ATIC: variants seen among roughly 807,000 people sequenced by gnomAD.
The protein encoded by ATIC is bifunctional purine biosynthesis protein ATIC.
A neutral mutation model predicts 72.5 loss-of-function variants in ATIC; 64 were observed. That is an observed-to-expected ratio of 0.88 (90% CI 0.72 to 1.09). ATIC has a LOEUF of 1.09. ATIC is among the 50% of genes least tolerant of loss of function. The pLI, the probability that ATIC is intolerant of heterozygous loss-of-function variation, is 0.00. For missense variants in ATIC, 787 were observed against 732.4 expected (o/e 1.07, Z -0.86); for synonymous variants, 281 against 267.1 (o/e 1.05, Z -0.51).
intron 12 of ATIC, among the ~76,000 whole-genome samples, chr2:215,339,463 C>T (rs1348764614): frequency 6.6e-6 from 1 of 152,088 alleles, no homozygotes; most frequent in African/African-American, 2.4e-5. Flanking sequence ...CTGCAGTGAG[C>T]CGTGTTTGTG....
chr2:215,338,963 A>G, intron 12 of ATIC, 56 bp downstream of exon 12: 3 of 1,602,990 alleles, frequency 1.9e-6, no homozygotes, highest in Admixed American at 1.7e-5. Context: ...TCTGTTTTCA[A>G]TACTTAATGA....
intron 8 of ATIC, among the ~76,000 whole-genome samples, 187 bp downstream of exon 8, chr2:215,332,694 A>G (rs531345076): frequency 2.6e-5 from 4 of 152,322 alleles, no homozygotes; most frequent in African/African-American, 9.6e-5. Flanking sequence ...ATTGTGTAAT[A>G]TTGTCAGGAA....
At chr2:215,339,014 A>T (rs1003272906) in intron 12 of ATIC, 107 bp downstream of exon 12, 1 of 1,448,210 alleles carries the variant, frequency 6.9e-7, no homozygotes, top group African/African-American at 1.4e-5. Context: ...ACTGGTCTGT[A>T]TGCACACGGC....
intron 14 of ATIC, chr2:215,347,514 A>G: frequency 2.1e-6 from 1 of 470,772 alleles, no homozygotes; most frequent in Non-Finnish European, 4.2e-6. Flanking sequence ...CAGTTTCTGG[A>G]CATATTGCGT....
At chr2:215,337,559 G>T (rs964406986) in intron 11 of ATIC, among the ~76,000 whole-genome samples, 1 of 152,086 alleles carries the variant, frequency 6.6e-6, no homozygotes, top group African/African-American at 2.4e-5. Context: ...TAGAGACAGG[G>T]TTTCACCATG....
At chr2:215,353,549 T>TTTG (rs370674352), downstream of ATIC, among the ~76,000 whole-genome samples, 109 of 152,188 alleles carry the variant, frequency 7.2e-4, no homozygotes, top group South Asian at 2.7e-3. Context: ...TGTCTAAGGT[T>TTTG]TTGTTGTTGT....
At chr2:215,351,747 A>G (rs530208605), downstream of ATIC, among the ~76,000 whole-genome samples, 1 of 152,334 alleles carries the variant, frequency 6.6e-6, no homozygotes, top group South Asian at 2.1e-4. Context: ...CCCAGTCCTT[A>G]AGTGTGGCCT....
At position 215,349,520 on chromosome 2, in the gene ATIC, A is replaced by AT. The variant is rs1339854293; in HGVS notation, c.1660-16_1660-15insT. 1 of 1,614,138 alleles carries AT rather than the reference A, an allele frequency of 6.2e-7. No homozygotes were observed. On this transcript the variant is annotated splice_polypyrimidine_tract_variant and intron_variant, in intron 15 of 15. Coordinates refer to ENST00000236959, the MANE Select transcript of ATIC (RefSeq NM_004044.7). ...TACATAAAATCGCGTTTTGAAAATC[A>AT]ATATACTTCCCCCAGAGTGGTGTGG...
At chr2:215,320,661 C>A (rs923152355) in intron 4 of ATIC, among the ~76,000 whole-genome samples, 1 of 152,174 alleles carries the variant, frequency 6.6e-6, no homozygotes, top group African/African-American at 2.4e-5. Flanking sequence ...CTCACTGCAA[C>A]CTCTGCCTCC....
intron 3 of ATIC, among the ~76,000 whole-genome samples, chr2:215,319,359 G>T (rs2052743097): frequency 6.6e-6 from 1 of 152,020 alleles, no homozygotes; most frequent in South Asian, 2.1e-4. Flanking sequence ...GGGCAAGATG[G>T]CAACACCCCC....
intron 3 of ATIC, among the ~76,000 whole-genome samples, chr2:215,318,950 C>T (rs2052739091): frequency 1.3e-5 from 2 of 151,498 alleles, no homozygotes; most frequent in Non-Finnish European, 2.9e-5. Flanking sequence ...GATCATGGCT[C>T]GCTGCAGCCT....
In ATIC at chr2:215,349,748, A is replaced by G; in HGVS notation, c.*93A>G. On this transcript the variant is annotated 3_prime_UTR_variant, in exon 16 of 16. Transcript: ENST00000236959. ...TAACTTTTTAAAAAAATAAAACAGT[A>G]TCTCTTAATCACTGGATCCATAGTT... The G allele has an allele frequency of 6.3e-7, 1 of 1,598,548 alleles. No homozygotes were observed. Among genetic ancestry groups the G allele is most frequent in the Non-Finnish European group, 8.6e-7 (1 of 1,166,706 alleles).
Position 215,326,147 on chromosome 2 carries a change from C to T in ATIC, c.531+9C>T, listed in dbSNP as rs376505868. 4 of 1,613,716 alleles carry T rather than the reference C, an allele frequency of 2.5e-6. No homozygotes were observed. The highest frequency in any genetic ancestry group is 3.4e-6 in the Non-Finnish European group (4 of 1,179,780). ...GCCAGTTAGCCTTGAAGGTGGGATGCACTTTCATGATATTGTAAGTTACAT... is the reference window on the plus strand; with the variant it reads ...GCCAGTTAGCCTTGAAGGTGGGATGTACTTTCATGATATTGTAAGTTACAT... On this transcript the variant is annotated intron_variant, in intron 6 of 15. Transcript: ENST00000236959.
Position 215,325,995 on chromosome 2 carries a change from A to C in ATIC, c.388A>C (p.Thr130Pro). Residue 130 changes from threonine to proline, a missense_variant, in exon 6 of 16, where the codon ACC becomes CCC. Physicochemically the swap from Thr to Pro is conservative, Grantham distance 38. Transcript: ENST00000236959. ...TCTTTTGTTCTTCAAAGGTGGAGTA[A>C]CCTTACTGAGAGCTGCAGCCAAAAA... Reference protein sequence around the residue: ...AVEQIDIGGVTLLRAAAKNHA... With the variant: ...AVEQIDIGGVPLLRAAAKNHA... 6.2e-7 allele frequency: 1 copy of C among 1,614,182 alleles called. No homozygotes were observed. Among genetic ancestry groups the C allele is most frequent in the Non-Finnish European group, 8.5e-7 (1 of 1,180,002 alleles).
At chr2:215,325,018 C>T (rs774976851) in intron 4 of ATIC, among the ~76,000 whole-genome samples, 5 of 152,054 alleles carry the variant, frequency 3.3e-5, no homozygotes, top group Non-Finnish European at 5.9e-5. Context: ...TATTCAGATC[C>T]GGGGAGCACC....
At chr2:215,321,558 G>A (rs1014027188) in intron 4 of ATIC, among the ~76,000 whole-genome samples, 3 of 152,210 alleles carry the variant, frequency 2.0e-5, no homozygotes, top group African/African-American at 7.2e-5. Flanking sequence ...CTGCGACCCT[G>A]TATTTCAGAG....
intron 7 of ATIC, among the ~76,000 whole-genome samples, chr2:215,329,733 CTT>C (rs2052868875): frequency 1.3e-5 from 2 of 151,928 alleles, no homozygotes; most frequent in African/African-American, 4.8e-5. Flanking sequence ...TTATTAATGT[CTT>C]TGAAAATTTG....
the ATIC span, chr2:215,367,855 C>T: frequency 6.2e-7 from 1 of 1,613,796 alleles, no homozygotes; most frequent in Non-Finnish European, 8.5e-7. Context: ...GACAAAGCAA[C>T]TACTCACTAG....
chr2:215,312,340 G>T (rs1559263918), intron 1 of ATIC, 158 bp from the exon 2 acceptor site: 35 of 1,502,502 alleles, frequency 2.3e-5, no homozygotes, highest in Non-Finnish European at 2.9e-5. Context: ...AGCAGCTCGC[G>T]GGTGTAAGAC....
Sources: gnomAD v4.1 joint callset for allele counts (sites outside exome capture counted in the v4.1 genomes callset) on GRCh38, gnomAD v4.1.1 for gene constraint, MANE v1.5 for transcripts, NCBI Gene and HGNC (gene_info 2026-07-23, HGNC 2026-07-21) for gene names.